The following TTC29 variants were observed in gnomAD, a reference collection of about 807,000 sequenced individuals.
The protein encoded by TTC29 is tetratricopeptide repeat protein 29.
A neutral mutation model predicts 58.1 loss-of-function variants in TTC29; 49 were observed. That is an observed-to-expected ratio of 0.84 (90% CI 0.67 to 1.07). The LOEUF (loss-of-function observed/expected upper bound fraction) is 1.07. Among genes scored for constraint, TTC29 ranks in the 50% least tolerant of loss-of-function variants. The probability of loss-of-function intolerance (pLI) is 0.00; values close to 1 mark genes in which losing one functional copy is unlikely to be tolerated. For missense variants in TTC29, 582 were observed against 555.6 expected, an observed-to-expected ratio of 1.05 and a Z score of -0.48; for synonymous variants, 209 against 196.8, an observed-to-expected ratio of 1.06 and a Z score of -0.52.
chr4:146,713,111 C>CGTGTGTGTGTGTGTGTGT lies in TTC29; in HGVS notation c.1331-5578_1331-5561dup, dbSNP rs10678715. Among the ~76,000 whole-genome samples the CGTGTGTGTGTGTGTGTGT allele has an allele frequency of 1.0e-3, 141 of 139,644 alleles. 2 individuals are homozygous for CGTGTGTGTGTGTGTGTGT. Among genetic ancestry groups the CGTGTGTGTGTGTGTGTGT allele is most frequent in the African/African-American group, 3.5e-3 (128 of 36,908 alleles). The allele number at this position is 139,644 out of a possible 152,430, so 91.6% of individuals were successfully genotyped here. A position where few individuals can be genotyped will look rare whatever the true frequency, so the allele number is the denominator to read the frequency against. On this transcript the variant is annotated intron_variant, in intron 11 of 12. Coordinates refer to ENST00000325106, the MANE Select transcript of TTC29 (RefSeq NM_031956.4). ...GAGCAGAGAAGGTGGGAGAATTGAT[C>CGTGTGTGTGTGTGTGTGT]GTGTGTGTGTGTGTGTGTGTGTGTG...
intron 11 of TTC29, among the ~76,000 whole-genome samples, chr4:146,745,971 G>A (rs548712714): frequency 6.6e-6 from 1 of 152,234 alleles, no homozygotes; most frequent in East Asian, 1.9e-4. Flanking sequence ...ACCACAACAG[G>A]AAAACCTATT....
chr4:146,797,832 T>TTATATATATCTATATATATATATATA (rs1749929354), intron 11 of TTC29, among the ~76,000 whole-genome samples: 2 of 130,036 alleles, frequency 1.5e-5, no homozygotes, highest in African/African-American at 5.8e-5. Flanking sequence ...TTACTTTGTT[T>TTATATATATCTATATATATATATATA]TATATATATA....
chr4:146,724,279 C>T (rs898466030), intron 11 of TTC29, among the ~76,000 whole-genome samples: 4 of 152,112 alleles, frequency 2.6e-5, no homozygotes, highest in Non-Finnish European at 4.4e-5. Flanking sequence ...GTGCTATGCT[C>T]GCAATTTGGG....
chr4:146,933,002 G>T (rs1735464548), intron 4 of TTC29, among the ~76,000 whole-genome samples: 1 of 151,388 alleles, frequency 6.6e-6, no homozygotes, highest in African/African-American at 2.4e-5. Context: ...AGCTTGCAGT[G>T]AGCTGAGATC....
Position 146,820,006 on chromosome 4 carries a change from G to A in TTC29, c.1101+119C>T. 6.7e-6 allele frequency: 9 copies of A among 1,335,842 alleles called. 2 individuals carry two copies. In the South Asian group the frequency reaches 9.8e-5, roughly 15 times the overall value. 82.7% of individuals were successfully genotyped at this position (1,335,842 alleles called of 1,614,324 possible). ...CATTAACTACACCCTGCAGTCCAGG[G>A]CCATTCTGCATAATATATTGTGGGA... is the stretch of plus-strand genomic sequence containing the variant. On this transcript the variant is annotated intron_variant, in intron 10 of 12. Coordinates refer to ENST00000325106, the MANE Select transcript of TTC29 (RefSeq NM_031956.4).
At chr4:146,938,584 T>C (rs1394958218) in intron 3 of TTC29, among the ~76,000 whole-genome samples, 3 of 152,194 alleles carry the variant, frequency 2.0e-5, no homozygotes, top group South Asian at 4.1e-4. Flanking sequence ...TATGTATGTA[T>C]ATATATTATA....
At chr4:146,833,116 C>A (rs9799484) in intron 9 of TTC29, among the ~76,000 whole-genome samples, 9,557 of 152,152 alleles carry the variant, frequency 0.063, 400 homozygotes, top group Admixed American at 0.13. Flanking sequence ...TTAAAAAGCT[C>A]TATCTTGGAT....
chr4:146,910,863 G>GT (rs963167392), intron 4 of TTC29, among the ~76,000 whole-genome samples: 4 of 152,188 alleles, frequency 2.6e-5, no homozygotes, highest in African/African-American at 7.2e-5. Context: ...AATAGTGCTT[G>GT]TTACTTATTC....
intron 4 of TTC29, among the ~76,000 whole-genome samples, chr4:146,911,081 A>G (rs191207252): frequency 9.8e-4 from 149 of 152,250 alleles, no homozygotes; most frequent in African/African-American, 3.4e-3. Context: ...GAAGGCAGGG[A>G]GGATTACCAA....
At chr4:146,779,923 T>C (rs1579654580) in intron 11 of TTC29, among the ~76,000 whole-genome samples, 1 of 152,172 alleles carries the variant, frequency 6.6e-6, no homozygotes, top group Non-Finnish European at 1.5e-5. Context: ...AAAGTGAATC[T>C]TAAATTCAAC....
chr4:146,820,142 C>A lies in TTC29; in HGVS notation c.1084G>T (p.Asp362Tyr). 6.2e-7 allele frequency: 1 copy of A among 1,613,042 alleles called. No homozygotes were observed. The highest frequency in any genetic ancestry group is 8.5e-7 in the Non-Finnish European group (1 of 1,179,750). Residue 362 changes from aspartate to tyrosine, a missense_variant, in exon 10 of 13, where the codon GAC becomes TAC. Transcript: ENST00000325106. Reference sequence around the variant, plus strand: ...AGACTCACTTTTTCATTGTAGATGTCCCCAAGCATTGTACTTGCTCTCACC... The same window carrying A: ...AGACTCACTTTTTCATTGTAGATGTACCCAAGCATTGTACTTGCTCTCACC... Reference protein sequence around the residue: ...DLVRASTMLGDIYNEKGYYNK... With the variant: ...DLVRASTMLGYIYNEKGYYNK...
intron 4 of TTC29, among the ~76,000 whole-genome samples, chr4:146,926,472 GT>G (rs1458741868): frequency 6.6e-6 from 1 of 150,560 alleles, no homozygotes; most frequent in Non-Finnish European, 1.5e-5. Flanking sequence ...GTTTTTTTTT[GT>G]TTTTTGTTTT....
At position 146,707,175 on chromosome 4, in the gene TTC29, G is replaced by T; in HGVS notation, c.1411C>A (p.Gln471Lys). The change falls in exon 13 of 13, where the codon CAA becomes AAA. Residue 471 changes from glutamine (Q) to lysine (K), a missense_variant. Physicochemically the swap from Gln to Lys is moderately conservative, Grantham distance 53. Transcript: ENST00000325106. The stretch of plus-strand genomic sequence containing the variant: ...AAGCTGCTTTAAGTTTCATTTTTTT[G>T]ATCACCTGGAAACCTGAAATAAAAT... ...LEELSRFPGD[Q>K]KNET 6.6e-7 allele frequency: 1 copy of T among 1,524,360 alleles called. No individual in the cohort carries two copies. The highest frequency in any genetic ancestry group is 1.4e-5 in the African/African-American group (1 of 72,200). 94.4% of individuals were successfully genotyped at this position (1,524,360 alleles called of 1,614,324 possible). A position where few individuals can be genotyped will look rare whatever the true frequency, so the allele number is the denominator to read the frequency against.
chr4:146,814,827 G>T lies in TTC29; in HGVS notation c.1101+5298C>A, dbSNP rs1579739334. On this transcript the variant is annotated intron_variant, in intron 10 of 12. Transcript: ENST00000325106. ...CACTGAAGAGGTGGCATTGAACAGA[G>T]ATCTGAGTGACAAGAAGCCAGCAAT... is the stretch of plus-strand genomic sequence containing the variant. 4.0e-5 allele frequency among the ~76,000 whole-genome samples: 6 copies of T among 151,670 alleles called. 1 individual carries two copies. The highest frequency in any genetic ancestry group is 3.9e-4 in the Admixed American group (6 of 15,212).
intron 11 of TTC29, among the ~76,000 whole-genome samples, chr4:146,780,824 G>C (rs1188439926): frequency 6.6e-6 from 1 of 151,952 alleles, no homozygotes; most frequent in Non-Finnish European, 1.5e-5. Context: ...ATGATGGCTG[G>C]ATTGGTATTA....
At chr4:146,712,616 A>T (rs1358611923) in intron 11 of TTC29, among the ~76,000 whole-genome samples, 1 of 152,136 alleles carries the variant, frequency 6.6e-6, no homozygotes, top group Non-Finnish European at 1.5e-5. Context: ...TTAGCTACCC[A>T]CTTGATACTC....
At chr4:146,828,511 G>A (rs1727957549) in intron 9 of TTC29, among the ~76,000 whole-genome samples, 1 of 151,960 alleles carries the variant, frequency 6.6e-6, no homozygotes, top group Non-Finnish European at 1.5e-5. Flanking sequence ...AGCTAAGATG[G>A]ACTCACTGAA....
intron 2 of TTC29, among the ~76,000 whole-genome samples, chr4:146,940,987 G>A (rs1459720541): frequency 6.6e-6 from 1 of 152,178 alleles, no homozygotes; most frequent in Non-Finnish European, 1.5e-5. Context: ...TATTATTGCA[G>A]CCCTTTTTGG....
intron 11 of TTC29, among the ~76,000 whole-genome samples, chr4:146,741,354 C>T (rs1745134538): frequency 2.0e-5 from 3 of 152,126 alleles, no homozygotes; most frequent in African/African-American, 7.2e-5. Context: ...TTAAAAAACC[C>T]CAGAAGATAT....
Sources: gnomAD v4.1 joint callset for allele counts (sites outside exome capture counted in the v4.1 genomes callset) on GRCh38, gnomAD v4.1.1 for gene constraint, MANE v1.5 for transcripts, NCBI Gene and HGNC (gene_info 2026-07-23, HGNC 2026-07-21) for gene names.